The following SLC22A3 variants were observed in gnomAD, a reference collection of about 807,000 sequenced individuals.
The protein encoded by SLC22A3 is EMT organic cation transporter 3.
SLC22A3 carries 51 observed loss-of-function variants against 59.1 expected under a neutral mutation model. The observed-to-expected ratio is 0.86, with a 90% confidence interval of 0.69 to 1.09. The LOEUF is 1.09. Ranked by LOEUF, SLC22A3 falls within the 50% of genes least tolerant of loss-of-function variation. The pLI is 0.00. For synonymous variants in SLC22A3, 325 were observed against 292.0 expected (o/e 1.11, Z -1.15); for missense variants, 711 against 726.3 (o/e 0.98, Z 0.24).
chr6:160,445,995 C>A (rs570004971), intron 9 of SLC22A3, among the ~76,000 whole-genome samples: 62 of 152,108 alleles, frequency 4.1e-4, no homozygotes, highest in Non-Finnish European at 6.9e-4. Flanking sequence ...GTGGCCCAAG[C>A]CCCCCAGAAA....
chr6:160,403,811 A>G (rs554438178), intron 2 of SLC22A3, among the ~76,000 whole-genome samples: 1 of 152,092 alleles, frequency 6.6e-6, no homozygotes, highest in East Asian at 1.9e-4. Flanking sequence ...AGGAAGAAAA[A>G]ATGACATGAT....
At chr6:160,397,789 C>A (rs1786557618) in intron 1 of SLC22A3, among the ~76,000 whole-genome samples, 190 bp from the exon 2 acceptor site, 1 of 151,120 alleles carries the variant, frequency 6.6e-6, no homozygotes, top group Admixed American at 6.6e-5. Context: ...AAAATTACAT[C>A]CTTTGCAGTT....
chr6:160,410,677 T>C (rs897507516), intron 4 of SLC22A3, 52 bp from the exon 5 acceptor site: 24 of 1,116,262 alleles, frequency 2.2e-5, no homozygotes, highest in African/African-American at 3.1e-5. Flanking sequence ...GCAATAGATT[T>C]TAGCGTTTGA....
chr6:160,355,446 T>A (rs1784799197), intron 1 of SLC22A3, among the ~76,000 whole-genome samples: 1 of 152,128 alleles, frequency 6.6e-6, no homozygotes, highest in African/African-American at 2.4e-5. Context: ...GTGCGCTGTT[T>A]CCTTTCCTTT....
chr6:160,363,071 G>A (rs2114756137), intron 1 of SLC22A3, among the ~76,000 whole-genome samples: 1 of 152,360 alleles, frequency 6.6e-6, no homozygotes, highest in South Asian at 2.1e-4. Context: ...GGCAGACGCG[G>A]GGCATCGCGC....
chr6:160,374,211 C>A (rs139131314), intron 1 of SLC22A3, among the ~76,000 whole-genome samples: 1 of 152,278 alleles, frequency 6.6e-6, no homozygotes, highest in Non-Finnish European at 1.5e-5. Context: ...GGCCAGAATG[C>A]ATGGTTCCTC....
intron 10 of SLC22A3, among the ~76,000 whole-genome samples, chr6:160,449,995 G>C (rs1788889278): frequency 3.3e-5 from 5 of 152,172 alleles, no homozygotes; most frequent in Admixed American, 3.3e-4. Context: ...ACAAGACAAA[G>C]AGCAAAAGCA....
intron 5 of SLC22A3, among the ~76,000 whole-genome samples, chr6:160,422,444 C>A (rs1363779193): frequency 6.6e-6 from 1 of 152,136 alleles, no homozygotes; most frequent in African/African-American, 2.4e-5. Flanking sequence ...TGGATGAACA[C>A]CTGGGTTGTG....
chr6:160,439,041 G>T (rs1053037935), intron 7 of SLC22A3, among the ~76,000 whole-genome samples: 2 of 152,026 alleles, frequency 1.3e-5, no homozygotes, highest in South Asian at 4.1e-4. Context: ...GGGAGACACT[G>T]TTCAACCCAC....
intron 9 of SLC22A3, among the ~76,000 whole-genome samples, chr6:160,444,279 G>A (rs1050019472): frequency 6.6e-6 from 1 of 152,094 alleles, no homozygotes; most frequent in African/African-American, 2.4e-5. Context: ...GCTGAGGCAG[G>A]AGGATCAAGG....
intron 1 of SLC22A3, among the ~76,000 whole-genome samples, chr6:160,368,368 T>G (rs1436480770): frequency 6.6e-6 from 1 of 152,144 alleles, no homozygotes; most frequent in Non-Finnish European, 1.5e-5. Flanking sequence ...CCACCCCTCC[T>G]GGCTTCTCAG....
chr6:160,432,086 G>T (rs192931922), intron 5 of SLC22A3, among the ~76,000 whole-genome samples: 5 of 152,312 alleles, frequency 3.3e-5, no homozygotes, highest in Non-Finnish European at 5.9e-5. Flanking sequence ...GAAGAAAAAA[G>T]ATTTCTTCAG....
chr6:160,406,252 G>T (rs1418496887), intron 2 of SLC22A3, among the ~76,000 whole-genome samples: 5 of 152,244 alleles, frequency 3.3e-5, no homozygotes, highest in Non-Finnish European at 5.9e-5. Context: ...ACTCAAGCAA[G>T]ATGCTATATG....
chr6:160,450,990 T>C lies in SLC22A3; in HGVS notation c.1611-6T>C, dbSNP rs372926943. 1.9e-6 allele frequency: 3 copies of C among 1,586,436 alleles called. No individual in the cohort carries two copies. Among genetic ancestry groups the C allele is most frequent in the Non-Finnish European group, 2.6e-6 (3 of 1,163,438 alleles). On this transcript the variant is annotated splice_region_variant and splice_polypyrimidine_tract_variant and intron_variant, in intron 10 of 10. Transcript: ENST00000275300. Reference sequence around the variant, plus strand: ...TTCCTAAAGACTTTCTCCTTTGTTTTTTCAGTCCACATTCCTGTAAATGTG... The same window carrying C: ...TTCCTAAAGACTTTCTCCTTTGTTTCTTCAGTCCACATTCCTGTAAATGTG...
chr6:160,350,395 A>C lies in SLC22A3; in HGVS notation c.429+1547A>C, dbSNP rs532358312. Among the ~76,000 whole-genome samples the C allele has an allele frequency of 2.6e-5, 4 of 152,342 alleles. No individual in the cohort carries two copies. The East Asian group carries it at 7.7e-4, about 29-fold the overall frequency. ...GGGATCTTTAATTTCTACTTAATCC[A>C]TGGTAAGGCTGGGGACTGCTTTATA... On this transcript the variant is annotated intron_variant, in intron 1 of 10. Coordinates refer to ENST00000275300, the MANE Select transcript of SLC22A3 (RefSeq NM_021977.4).
rs200478210 is a variant in SLC22A3, at chr6:160,437,131, G to A, written c.1208G>A (p.Arg403His). ...CTCTTGATCTTACTAACCATTGAGCGCCTTGGACGACGCCTCCCCTTTGCG... is the reference window on the plus strand; with the variant it reads ...CTCTTGATCTTACTAACCATTGAGCACCTTGGACGACGCCTCCCCTTTGCG... ...GALLILLTIE[R>H]LGRRLPFAAS... The change falls in exon 7 of 11, where the codon CGC (arginine) becomes CAC (histidine). Residue 403 changes from arginine (R) to histidine (H), a missense_variant. By Grantham distance (29) the Arg-to-His change is conservative (BLOSUM62 0). Transcript: ENST00000275300. The A allele has an allele frequency of 2.2e-5, 36 of 1,614,150 alleles. No homozygotes were observed. Among genetic ancestry groups the A allele is most frequent in the South Asian group, 1.4e-4 (13 of 91,078 alleles).
intron 9 of SLC22A3, among the ~76,000 whole-genome samples, chr6:160,447,072 G>A (rs1410691064): frequency 2.0e-5 from 3 of 152,212 alleles, no homozygotes; most frequent in Non-Finnish European, 4.4e-5. Context: ...AGAAAATAGG[G>A]GAGGGTGGCT....
chr6:160,372,868 T>C (rs1281261225), intron 1 of SLC22A3, among the ~76,000 whole-genome samples: 1 of 152,232 alleles, frequency 6.6e-6, no homozygotes, highest in Non-Finnish European at 1.5e-5. Flanking sequence ...TGTTCTTCTC[T>C]AAACTGGTTA....
chr6:160,399,433 C>A (rs1267563425), intron 2 of SLC22A3, among the ~76,000 whole-genome samples: 1 of 152,050 alleles, frequency 6.6e-6, no homozygotes, highest in Non-Finnish European at 1.5e-5. Flanking sequence ...CTTACTCAGT[C>A]AATAACCATA....
Sources: gnomAD v4.1 joint callset for allele counts (sites outside exome capture counted in the v4.1 genomes callset) on GRCh38, gnomAD v4.1.1 for gene constraint, MANE v1.5 for transcripts, NCBI Gene and HGNC (gene_info 2026-07-23, HGNC 2026-07-21) for gene names.